The following ESR2 variants were observed in gnomAD, a reference collection of about 807,000 sequenced individuals.
The protein encoded by ESR2 is estrogen receptor 2, also known as estrogen receptor beta.
Under a neutral mutation model 49.6 loss-of-function variants are expected in ESR2, and 36 were observed. The ratio of observed to expected loss-of-function variants is 0.73; its 90% CI spans 0.56 to 0.96. The LOEUF is 0.96. ESR2 is among the 40% of genes least tolerant of loss of function. The pLI, the probability that ESR2 is intolerant of heterozygous loss-of-function variation, is 0.00. For missense variants in ESR2, 714 were observed against 693.0 expected (o/e 1.03, Z -0.34); for synonymous variants, 320 against 266.1 (o/e 1.20, Z -1.97).
rs751892376 is a variant in ESR2, at chr14:64,260,638, C to A, written c.763G>T (p.Val255Leu). ...AKRSGGHAPR[V>L]RELLLDALSP... Reference sequence around the variant, plus strand: ...AGGGCGTCCAGCAGCAGCTCCCGCACTCGGGGCGCGTGGCCGCCACTTCTC... The same window carrying A: ...AGGGCGTCCAGCAGCAGCTCCCGCAATCGGGGCGCGTGGCCGCCACTTCTC... The change falls in exon 5 of 9, where the codon GTG becomes TTG. Residue 255 changes from valine (V) to leucine (L), a missense_variant. Coordinates refer to ENST00000341099, the MANE Select transcript of ESR2 (RefSeq NM_001437.3). The A allele has an allele frequency of 6.2e-7, 1 of 1,609,862 alleles. No homozygotes were observed. Among genetic ancestry groups the A allele is most frequent in the Non-Finnish European group, 8.5e-7 (1 of 1,177,988 alleles).
intron 1 of ESR2, among the ~76,000 whole-genome samples, chr14:64,331,842 A>AAG (rs1567808134): frequency 1.4e-5 from 2 of 145,962 alleles, no homozygotes. Flanking sequence ...AAAAAAAAAA[A>AAG]AAGAATCCTT....
rs1265507011 is a variant in ESR2, at chr14:64,276,930, C to T, written c.535+3051G>A. Among the ~76,000 whole-genome samples the T allele has an allele frequency of 5.9e-5, 9 of 152,214 alleles. No individual in the cohort carries two copies. In the South Asian group the frequency reaches 1.5e-3, roughly 25 times the overall value. Reference sequence around the variant, plus strand: ...GAACAAAATGGACAAAAATCCTTGCCCTCATGGAATCTATAATCTATTGTC... The same window carrying T: ...GAACAAAATGGACAAAAATCCTTGCTCTCATGGAATCTATAATCTATTGTC... On this transcript the variant is annotated intron_variant, in intron 3 of 8. Transcript: ENST00000341099.
At chr14:64,334,941 C>T (rs1343422168) in intron 1 of ESR2, among the ~76,000 whole-genome samples, 1 of 152,212 alleles carries the variant, frequency 6.6e-6, no homozygotes, top group African/African-American at 2.4e-5. Context: ...AGCTACCACG[C>T]CCAGCCTGTT....
intron 7 of ESR2, among the ~76,000 whole-genome samples, chr14:64,238,511 T>G (rs2075654018): frequency 6.6e-6 from 1 of 152,106 alleles, no homozygotes; most frequent in Admixed American, 6.6e-5. Context: ...CAGCAGTGCG[T>G]GCCTGCACCT....
chr14:64,248,523 GAAAA>G (rs1321199719), intron 7 of ESR2, among the ~76,000 whole-genome samples: 8 of 114,444 alleles, frequency 7.0e-5, no homozygotes, highest in South Asian at 5.9e-4. Context: ...AAAAAAAAAA[GAAAA>G]AAAAAAAGAA....
intron 1 of ESR2, among the ~76,000 whole-genome samples, chr14:64,303,898 A>G (rs996702888): frequency 1.8e-4 from 27 of 152,252 alleles, no homozygotes; most frequent in African/African-American, 6.5e-4. Context: ...ATTGAGAAGA[A>G]AATCAGAGTG....
intron 8 of ESR2, chr14:64,233,740 G>T: frequency 5.8e-6 from 1 of 173,754 alleles, no homozygotes; most frequent in Non-Finnish European, 1.2e-5. Flanking sequence ...GATGCCTTAT[G>T]TGATAAATAC....
At chr14:64,291,107 G>T (rs761338311) in intron 1 of ESR2, among the ~76,000 whole-genome samples, 70 of 152,108 alleles carry the variant, frequency 4.6e-4, no homozygotes, top group Non-Finnish European at 7.5e-4. Context: ...TTTGGGACAG[G>T]GTCAGAGAGA....
chr14:64,267,905 TTGTC>T (rs1262350962), intron 4 of ESR2, among the ~76,000 whole-genome samples: 1 of 145,438 alleles, frequency 6.9e-6, no homozygotes, highest in Non-Finnish European at 1.5e-5. Context: ...AAAAAAGAAA[TTGTC>T]AGAGAGTAAA....
At chr14:64,249,762 C>G in intron 6 of ESR2, 83 bp from the exon 7 acceptor site, 4 of 1,411,900 alleles carry the variant, frequency 2.8e-6, no homozygotes, top group Non-Finnish European at 2.9e-6. Flanking sequence ...TATTTTTAAT[C>G]TCAAGTTTCA....
At chr14:64,273,597 C>G (rs1474883285) in intron 3 of ESR2, among the ~76,000 whole-genome samples, 6 of 134,848 alleles carry the variant, frequency 4.4e-5, no homozygotes, top group Non-Finnish European at 9.1e-5. Flanking sequence ...CGATATGGTG[C>G]ATCAAATTAA....
intron 7 of ESR2, among the ~76,000 whole-genome samples, chr14:64,238,953 C>T (rs770571554): frequency 1.5e-4 from 23 of 152,138 alleles, no homozygotes; most frequent in Non-Finnish European, 3.1e-4. Flanking sequence ...CAAGATTTGC[C>T]ACGTCTGATT....
At chr14:64,266,225 G>C (rs2076324881) in intron 4 of ESR2, among the ~76,000 whole-genome samples, 1 of 152,090 alleles carries the variant, frequency 6.6e-6, no homozygotes, top group Non-Finnish European at 1.5e-5. Context: ...GAAGGAGAGA[G>C]AATGGAAGGA....
At chr14:64,246,911 G>A (rs774730352) in intron 7 of ESR2, among the ~76,000 whole-genome samples, 1 of 152,078 alleles carries the variant, frequency 6.6e-6, no homozygotes, top group Admixed American at 6.5e-5. Context: ...TGTTAGGCAG[G>A]TAAGGCCAGA....
At chr14:64,299,857 G>T (rs1267067093) in intron 1 of ESR2, among the ~76,000 whole-genome samples, 1 of 152,110 alleles carries the variant, frequency 6.6e-6, no homozygotes, top group Non-Finnish European at 1.5e-5. Context: ...AGCTACTTAA[G>T]GATCACCAAT....
At chr14:64,278,440 A>G (rs1233543800) in intron 3 of ESR2, among the ~76,000 whole-genome samples, 1 of 152,218 alleles carries the variant, frequency 6.6e-6, no homozygotes. Context: ...TTCTCTGCTT[A>G]AGGTAAAACA....
intron 3 of ESR2, among the ~76,000 whole-genome samples, chr14:64,275,814 G>T (rs1225441473): frequency 2.0e-5 from 3 of 152,120 alleles, no homozygotes; most frequent in Non-Finnish European, 2.9e-5. Flanking sequence ...ATATTATTCT[G>T]TGGTTTTCTA....
At chr14:64,311,009 T>A (rs1194922652) in intron 1 of ESR2, among the ~76,000 whole-genome samples, 1 of 152,102 alleles carries the variant, frequency 6.6e-6, no homozygotes, top group African/African-American at 2.4e-5. Flanking sequence ...AGTACATCCT[T>A]CCCCGCAAAA....
chr14:64,309,761 G>A (rs2077162094), intron 1 of ESR2, among the ~76,000 whole-genome samples: 1 of 152,072 alleles, frequency 6.6e-6, no homozygotes, highest in Non-Finnish European at 1.5e-5. Flanking sequence ...CTTGAGGCCA[G>A]GAGTTCGAGG....
Sources: gnomAD v4.1 joint callset for allele counts (sites outside exome capture counted in the v4.1 genomes callset) on GRCh38, gnomAD v4.1.1 for gene constraint, MANE v1.5 for transcripts, NCBI Gene and HGNC (gene_info 2026-07-23, HGNC 2026-07-21) for gene names.